CNTNAP3B: variants seen among roughly 807,000 people sequenced by gnomAD.
The protein encoded by CNTNAP3B is contactin associated protein family member 3B.
A neutral mutation model predicts 108.9 loss-of-function variants in CNTNAP3B; 25 were observed. The observed-to-expected ratio is 0.23, with a 90% CI of 0.17 to 0.32. The LOEUF (loss-of-function observed/expected upper bound fraction) is 0.32. Among genes scored for constraint, CNTNAP3B ranks in the 10% least tolerant of loss-of-function variants. The pLI is 1.00. For synonymous variants in CNTNAP3B, 103 were observed against 473.4 expected (o/e 0.22, Z 10.16); for missense variants, 252 against 1,210.4 (o/e 0.21, Z 11.75).
intron 13 of CNTNAP3B, among the ~76,000 whole-genome samples, chr9:41,948,483 C>A (rs1469579668): frequency 1.3e-5 from 2 of 148,182 alleles, no homozygotes; most frequent in South Asian, 2.1e-4. Flanking sequence ...CTACCAAATT[C>A]ATTTTATGTA....
chr9:42,110,588 G>A (rs201212393), intron 1 of CNTNAP3B, among the ~76,000 whole-genome samples: 3 of 136,732 alleles, frequency 2.2e-5, no homozygotes. Flanking sequence ...GTCTCGATTA[G>A]GTCAAATTCA....
chr9:41,931,323 G>A (rs1468734265), intron 14 of CNTNAP3B, among the ~76,000 whole-genome samples: 1 of 152,084 alleles, frequency 6.6e-6, no homozygotes, highest in Admixed American at 6.5e-5. Context: ...TCTGTGGTGG[G>A]AACATTACAA....
chr9:41,943,345 ATTTTTTTTT>A (rs1165684239), intron 13 of CNTNAP3B, among the ~76,000 whole-genome samples: 69 of 132,522 alleles, frequency 5.2e-4, no homozygotes, highest in Non-Finnish European at 4.6e-4. Context: ...TTGGACAATA[ATTTTTTTTT>A]TTTTTTTTTT....
At position 41,937,114 on chromosome 9, in the gene CNTNAP3B, TTTATTA is replaced by T. The variant is rs373324080; in HGVS notation, c.2237+1124_2237+1129del. On this transcript the variant is annotated intron_variant, in intron 14 of 23. Transcript: ENST00000377561. ...GACCATTACATTTTTTATTTATTAA[TTTATTA>T]TTATTATTATTATTATTATTATTTT... Among the ~76,000 whole-genome samples, 426 of 141,436 alleles carry T rather than the reference TTTATTA, an allele frequency of 3.0e-3. 6 individuals carry two copies. The highest frequency in any genetic ancestry group is 0.011 in the African/African-American group (403 of 37,462). 92.8% of individuals were successfully genotyped at this position (141,436 alleles called of 152,430 possible).
chr9:42,042,924 T>G (rs1240528663), intron 3 of CNTNAP3B, among the ~76,000 whole-genome samples: 3 of 146,928 alleles, frequency 2.0e-5, no homozygotes, highest in Non-Finnish European at 4.5e-5. Flanking sequence ...TTTTTTTAAC[T>G]AATTGACTTT....
intron 16 of CNTNAP3B, among the ~76,000 whole-genome samples, 191 bp from the exon 17 acceptor site, chr9:41,923,086 C>G (rs1376120377): frequency 2.6e-5 from 3 of 114,200 alleles, no homozygotes; most frequent in Admixed American, 2.5e-4. Context: ...TGGATTTTAA[C>G]ATATTTATCC....
chr9:41,927,734 A>G (rs1229285302), intron 15 of CNTNAP3B, among the ~76,000 whole-genome samples: 1 of 152,268 alleles, frequency 6.6e-6, no homozygotes, highest in Non-Finnish European at 1.5e-5. Flanking sequence ...AAAAAAATCA[A>G]AGACCCAAAC....
intron 2 of CNTNAP3B, among the ~76,000 whole-genome samples, chr9:42,099,061 C>A (rs1357643391): frequency 7.2e-6 from 1 of 138,274 alleles, no homozygotes; most frequent in Non-Finnish European, 1.5e-5. Flanking sequence ...AGTACCTGAG[C>A]TTTTTCAAAA....
In CNTNAP3B at chr9:42,116,178, T is replaced by G. The variant is rs1828312255; in HGVS notation, c.86-11439A>C. Among the ~76,000 whole-genome samples, 2 of 135,504 alleles carry G rather than the reference T, an allele frequency of 1.5e-5. 1 individual carries two copies. Among genetic ancestry groups the G allele is most frequent in the South Asian group, 4.8e-4 (2 of 4,156 alleles). 88.9% of individuals were successfully genotyped at this position (135,504 alleles called of 152,430 possible). ...GAAAAGAAGTTTAGAGAAAAAAGAGTAAAAAGAAATGAACAAAGCCTCCAA... is the reference window on the plus strand; with the variant it reads ...GAAAAGAAGTTTAGAGAAAAAAGAGGAAAAAGAAATGAACAAAGCCTCCAA... On this transcript the variant is annotated intron_variant, in intron 1 of 23. Coordinates refer to ENST00000377561, the MANE Select transcript of CNTNAP3B (RefSeq NM_001201380.3).
At chr9:41,940,540 C>A (rs1358012052) in intron 13 of CNTNAP3B, among the ~76,000 whole-genome samples, 1 of 116,160 alleles carries the variant, frequency 8.6e-6, no homozygotes, top group African/African-American at 2.8e-5. Context: ...TCTTTTTAGG[C>A]CGGGTGCGGT....
chr9:41,962,709 G>T (rs62557282), intron 11 of CNTNAP3B, among the ~76,000 whole-genome samples: 1 of 144,120 alleles, frequency 6.9e-6, no homozygotes, highest in African/African-American at 2.7e-5. Flanking sequence ...TAATCCCAGC[G>T]CTTCGGGAGT....
In CNTNAP3B at chr9:42,012,584, G is replaced by A. The variant is rs1165025256; in HGVS notation, c.538+794C>T. 2.3e-5 allele frequency among the ~76,000 whole-genome samples: 3 copies of A among 128,724 alleles called. 1 individual carries two copies. Among genetic ancestry groups the A allele is most frequent in the East Asian group, 5.0e-4 (2 of 3,982 alleles). 84.4% of individuals were successfully genotyped at this position (128,724 alleles called of 152,430 possible). On this transcript the variant is annotated intron_variant, in intron 4 of 23. Coordinates refer to ENST00000377561, the MANE Select transcript of CNTNAP3B (RefSeq NM_001201380.3). ...TGTAAATAGTGTGATATGAACATCC[G>A]GCCGGACCCAAATTGAAGCCACTTA...
At chr9:42,047,372 TA>T (rs991354983) in intron 3 of CNTNAP3B, among the ~76,000 whole-genome samples, 1 of 134,388 alleles carries the variant, frequency 7.4e-6, no homozygotes, top group African/African-American at 3.0e-5. Flanking sequence ...AAGTGGTTAC[TA>T]AAGCTAAAAT....
chr9:41,955,951 G>A (rs1251427496), intron 12 of CNTNAP3B, among the ~76,000 whole-genome samples: 17 of 152,292 alleles, frequency 1.1e-4, no homozygotes, highest in African/African-American at 2.6e-4. Flanking sequence ...GCTCAAACCA[G>A]CCTAACTTAA....
chr9:41,916,145 A>T (rs2117911155), intron 18 of CNTNAP3B, among the ~76,000 whole-genome samples: 1 of 147,006 alleles, frequency 6.8e-6, no homozygotes, highest in South Asian at 2.1e-4. Context: ...CTTATTTACC[A>T]TTTCTAGTTC....
intron 4 of CNTNAP3B, among the ~76,000 whole-genome samples, chr9:41,999,542 C>A (rs1462548946): frequency 2.4e-5 from 3 of 123,446 alleles, no homozygotes; most frequent in African/African-American, 3.5e-5. Flanking sequence ...TACACACACA[C>A]ACACATACAC....
At chr9:41,962,773 G>A (rs1825140734) in intron 11 of CNTNAP3B, among the ~76,000 whole-genome samples, 5 of 152,068 alleles carry the variant, frequency 3.3e-5, no homozygotes, top group Admixed American at 3.3e-4. Context: ...GGCTAACATG[G>A]CAAAACCCCG....
Position 42,110,044 on chromosome 9 carries a change from A to T in CNTNAP3B, c.86-5305T>A, listed in dbSNP as rs1318710876. ...GTGTGGCCCATCTTGATTTTGGACTAGGGATACTGATGCGGAACTTCTGGT... is the reference window on the plus strand; with the variant it reads ...GTGTGGCCCATCTTGATTTTGGACTTGGGATACTGATGCGGAACTTCTGGT... On this transcript the variant is annotated intron_variant, in intron 1 of 23. Transcript: ENST00000377561. 1.5e-5 allele frequency among the ~76,000 whole-genome samples: 2 copies of T among 137,746 alleles called. 1 individual carries two copies. The highest frequency in any genetic ancestry group is 5.8e-5 in the African/African-American group (2 of 34,472). The allele number at this position is 137,746 out of a possible 152,430, so 90.4% of individuals were successfully genotyped here. A position where few individuals can be genotyped will look rare whatever the true frequency, so the allele number is the denominator to read the frequency against.
rs1221429072 is a variant in CNTNAP3B, at chr9:41,906,782, AT to A, written c.3354+71del. ...CTCTTCTATTAATATTTATTATCAA[AT>A]TTTTTCATTAGATTATTTGTTCTCA... On this transcript the variant is annotated intron_variant, in intron 20 of 23. Transcript: ENST00000377561. 2.4e-5 allele frequency: 15 copies of A among 637,100 alleles called. No individual in the cohort carries two copies. The African/African-American group carries it at 2.6e-4, about 11-fold the overall frequency. 39.5% of individuals were successfully genotyped at this position (637,100 alleles called of 1,614,324 possible).
Sources: allele counts gnomAD v4.1 joint callset (sites outside exome capture counted in the v4.1 genomes callset), GRCh38; gene constraint gnomAD v4.1.1; transcripts MANE v1.5; gene names NCBI Gene and HGNC (gene_info 2026-07-23, HGNC 2026-07-21).